The following CNOT6L variants were observed in gnomAD, a reference collection of about 807,000 sequenced individuals.
The protein encoded by CNOT6L is CCR4-NOT transcription complex subunit 6 like.
Under a neutral mutation model 64.0 loss-of-function variants are expected in CNOT6L, and 7 were observed. The ratio of observed to expected loss-of-function variants is 0.11; its 90% CI spans 0.06 to 0.21. The LOEUF is 0.21. CNOT6L is among the 10% of genes least tolerant of loss of function. CNOT6L has a pLI of 1.00. For missense variants in CNOT6L, 245 were observed against 669.0 expected, an observed-to-expected ratio of 0.37 and a Z score of 6.99; for synonymous variants, 193 against 243.4, an observed-to-expected ratio of 0.79 and a Z score of 1.93.
At chr4:77,740,121 G>A (rs1174124300) in intron 8 of CNOT6L, among the ~76,000 whole-genome samples, 1 of 152,074 alleles carries the variant, frequency 6.6e-6, no homozygotes, top group African/African-American at 2.4e-5. Context: ...TGTAATCCCA[G>A]CACTGTGGGA....
chr4:77,777,737 T>G (rs1728311887), intron 1 of CNOT6L, among the ~76,000 whole-genome samples: 1 of 152,198 alleles, frequency 6.6e-6, no homozygotes, highest in Non-Finnish European at 1.5e-5. Context: ...AAGTAAAGTT[T>G]AGAACTTATA....
chr4:77,726,494 A>C (rs1721862482), intron 10 of CNOT6L, 125 bp from the exon 11 acceptor site: 1 of 631,706 alleles, frequency 1.6e-6, no homozygotes, highest in South Asian at 2.8e-5. Context: ...GAGCCATATA[A>C]AACTGCCTTT....
intron 1 of CNOT6L, among the ~76,000 whole-genome samples, chr4:77,812,186 T>C (rs1010769222): frequency 6.6e-6 from 1 of 152,148 alleles, no homozygotes; most frequent in Non-Finnish European, 1.5e-5. Flanking sequence ...GACTCACACC[T>C]GTAATCCCTG....
intron 4 of CNOT6L, among the ~76,000 whole-genome samples, chr4:77,768,529 A>G (rs1378635329): frequency 6.9e-6 from 1 of 145,242 alleles, no homozygotes; most frequent in African/African-American, 2.6e-5. Flanking sequence ...TACTCATTAA[A>G]AAGATACCAG....
chr4:77,785,089 T>C (rs746243064), intron 1 of CNOT6L, among the ~76,000 whole-genome samples: 1 of 152,166 alleles, frequency 6.6e-6, no homozygotes, highest in East Asian at 1.9e-4. Flanking sequence ...AAGACACACA[T>C]AGTTCAATGG....
intron 4 of CNOT6L, among the ~76,000 whole-genome samples, chr4:77,768,929 C>A (rs13118459): frequency 0.79 from 120,675 of 152,058 alleles, 48,632 homozygotes; most frequent in Non-Finnish European, 0.86. Context: ...TCTACATCCC[C>A]ATTCCACTCC....
At chr4:77,776,188 A>G (rs1043176766) in intron 2 of CNOT6L, 83 bp downstream of exon 2, 8 of 1,407,504 alleles carry the variant, frequency 5.7e-6, no homozygotes, top group Middle Eastern at 2.6e-4. Flanking sequence ...CTAATTAAAA[A>G]TGTACAACAA....
chr4:77,791,737 T>TTA (rs1329176938), intron 1 of CNOT6L, among the ~76,000 whole-genome samples: 1 of 152,148 alleles, frequency 6.6e-6, no homozygotes, highest in Non-Finnish European at 1.5e-5. Flanking sequence ...AAACAACAAA[T>TTA]GGTAGGTATT....
At chr4:77,768,470 AATAAATATATATATATATATATAT>A (rs71214366) in intron 4 of CNOT6L, among the ~76,000 whole-genome samples, 110,125 of 134,384 alleles carry the variant, frequency 0.82, 44,801 homozygotes, top group Non-Finnish European at 0.86. Context: ...GTCTAAAATA[AATAAATATATATATATATATATAT>A]ATATATATAT....
Position 77,719,110 on chromosome 4 carries a change from A to G in CNOT6L, c.*1321T>C, listed in dbSNP as rs1721036752. The G allele has an allele frequency of 6.6e-6, 1 of 152,592 alleles. No individual in the cohort carries two copies. The highest frequency in any genetic ancestry group is 6.6e-5 in the Admixed American group (1 of 15,262). 9.5% of individuals were successfully genotyped at this position (152,592 alleles called of 1,614,324 possible). ...TTTTCCTGTTACTGTGCCATAATTAACATCAAGTAGCCAACCAATTTTTCC... is the reference window on the plus strand; with the variant it reads ...TTTTCCTGTTACTGTGCCATAATTAGCATCAAGTAGCCAACCAATTTTTCC... On this transcript the variant is annotated 3_prime_UTR_variant, in exon 12 of 12. Coordinates refer to ENST00000504123, the MANE Select transcript of CNOT6L (RefSeq NM_144571.3).
intron 1 of CNOT6L, among the ~76,000 whole-genome samples, chr4:77,793,184 CAG>C (rs536440300): frequency 6.6e-6 from 1 of 151,904 alleles, no homozygotes; most frequent in Non-Finnish European, 1.5e-5. Flanking sequence ...ATGAAAAAGC[CAG>C]AGGTTATGAA....
chr4:77,772,886 G>A (rs563834342), intron 4 of CNOT6L, among the ~76,000 whole-genome samples, 195 bp downstream of exon 4: 1 of 152,266 alleles, frequency 6.6e-6, no homozygotes, highest in Non-Finnish European at 1.5e-5. Flanking sequence ...TTGCGCCACT[G>A]CACTCCAGCC....
At chr4:77,795,794 T>C (rs1295385233) in intron 1 of CNOT6L, among the ~76,000 whole-genome samples, 2 of 152,084 alleles carry the variant, frequency 1.3e-5, no homozygotes, top group Non-Finnish European at 2.9e-5. Context: ...AATACACCAG[T>C]ACACTGGAAA....
At chr4:77,747,119 C>T (rs1185091857) in intron 6 of CNOT6L, among the ~76,000 whole-genome samples, 6 of 151,660 alleles carry the variant, frequency 4.0e-5, no homozygotes, top group Non-Finnish European at 1.5e-5. Flanking sequence ...CTTTATATTG[C>T]TCAAAATATA....
chr4:77,729,733 T>C (rs1577923030), intron 9 of CNOT6L, among the ~76,000 whole-genome samples: 2 of 152,206 alleles, frequency 1.3e-5, no homozygotes, highest in Non-Finnish European at 2.9e-5. Context: ...AATATTCAAC[T>C]AGAATATCTC....
chr4:77,755,072 C>T (rs989241927), intron 5 of CNOT6L, among the ~76,000 whole-genome samples: 7 of 150,850 alleles, frequency 4.6e-5, no homozygotes, highest in East Asian at 3.9e-4. Flanking sequence ...ATTAAGAGAA[C>T]GAAAAATTTA....
At chr4:77,773,203 C>T (rs1233798428) in intron 3 of CNOT6L, 37 bp from the exon 4 acceptor site, 1 of 1,260,036 alleles carries the variant, frequency 7.9e-7, no homozygotes, top group African/African-American at 1.5e-5. Flanking sequence ...GTTTAATATA[C>T]TAAGTTTTAT....
At chr4:77,732,483 A>G (rs936398116) in intron 8 of CNOT6L, among the ~76,000 whole-genome samples, 2 of 152,064 alleles carry the variant, frequency 1.3e-5, no homozygotes, top group African/African-American at 4.8e-5. Flanking sequence ...TCAAGCTTTG[A>G]AAACAGAAGC....
In CNOT6L at chr4:77,727,460, G is replaced by A. The variant is rs552169686; in HGVS notation, c.1253-1091C>T. Among the ~76,000 whole-genome samples, 25 of 150,026 alleles carry A rather than the reference G, an allele frequency of 1.7e-4. No individual in the cohort carries two copies. The Middle Eastern group carries it at 0.01, about 62-fold the overall frequency. On this transcript the variant is annotated intron_variant, in intron 10 of 11. Coordinates refer to ENST00000504123, the MANE Select transcript of CNOT6L (RefSeq NM_144571.3). The stretch of plus-strand genomic sequence containing the variant: ...CATGCACCTGTAATTCCAGCTACTG[G>A]GAGGCTAAGGCAGGAGAATTGCTTG...
Sources: gnomAD v4.1 joint callset for allele counts (sites outside exome capture counted in the v4.1 genomes callset) on GRCh38, gnomAD v4.1.1 for gene constraint, MANE v1.5 for transcripts, NCBI Gene and HGNC (gene_info 2026-07-23, HGNC 2026-07-21) for gene names.